Variants in CTNNA3 observed in about 807,000 individuals in gnomAD.
CTNNA3 encodes catenin alpha-3.
CTNNA3 carries 76 observed loss-of-function variants against 95.7 expected under a neutral mutation model. That is an observed-to-expected ratio of 0.79 (90% CI 0.66 to 0.96). The LOEUF (loss-of-function observed/expected upper bound fraction) is 0.96, where lower values mean the gene tolerates loss of function less well. Ranked by LOEUF, CTNNA3 falls within the 40% of genes least tolerant of loss-of-function variation. The probability of loss-of-function intolerance (pLI) is 0.00; values close to 1 mark genes in which losing one functional copy is unlikely to be tolerated. For missense variants in CTNNA3, 1,191 were observed against 1,089.8 expected, an observed-to-expected ratio of 1.09 and a Z score of -1.31; for synonymous variants, 431 against 374.4, an observed-to-expected ratio of 1.15 and a Z score of -1.74.
Position 67,556,091 on chromosome 10 carries a change from C to T in CTNNA3, c.293-16422G>A, listed in dbSNP as rs553377491. Among the ~76,000 whole-genome samples the T allele has an allele frequency of 2.6e-5, 4 of 152,190 alleles. No individual in the cohort carries two copies. The South Asian group carries it at 8.3e-4, about 32-fold the overall frequency. ...GTGTATGTTGAACCAGCCTTGCATCCCAGGGATAAAGCCCACTTGATCATG... is the reference window on the plus strand; with the variant it reads ...GTGTATGTTGAACCAGCCTTGCATCTCAGGGATAAAGCCCACTTGATCATG... On this transcript the variant is annotated intron_variant, in intron 3 of 17. Transcript: ENST00000433211.
intron 5 of CTNNA3, among the ~76,000 whole-genome samples, chr10:67,253,208 T>A (rs960878443): frequency 6.6e-6 from 1 of 152,056 alleles, no homozygotes; most frequent in Non-Finnish European, 1.5e-5. Context: ...GGCTACTAAG[T>A]GACTAACGGG....
chr10:66,345,380 T>C (rs1221138063), intron 12 of CTNNA3, among the ~76,000 whole-genome samples: 1 of 152,136 alleles, frequency 6.6e-6, no homozygotes, highest in African/African-American at 2.4e-5. Context: ...AAAATGCTCA[T>C]TTCCATATTG....
chr10:66,194,479 C>T (rs1023667257), intron 13 of CTNNA3, among the ~76,000 whole-genome samples: 2 of 152,138 alleles, frequency 1.3e-5, no homozygotes, highest in African/African-American at 4.8e-5. Flanking sequence ...ACTTGGGAGG[C>T]TGAGGCATGA....
At chr10:67,122,731 C>T (rs933349116) in intron 7 of CTNNA3, among the ~76,000 whole-genome samples, 17 of 152,044 alleles carry the variant, frequency 1.1e-4, no homozygotes, top group African/African-American at 3.9e-4. Flanking sequence ...GAACAGATCC[C>T]TTCCTACTTA....
At chr10:66,421,268 G>A (rs973661559) in intron 11 of CTNNA3, among the ~76,000 whole-genome samples, 1 of 152,156 alleles carries the variant, frequency 6.6e-6, no homozygotes, top group African/African-American at 2.4e-5. Context: ...GACTGGGTTG[G>A]TAGCGGAGGG....
At chr10:66,540,602 G>C (rs1222819158) in intron 10 of CTNNA3, among the ~76,000 whole-genome samples, 1 of 152,032 alleles carries the variant, frequency 6.6e-6, no homozygotes, top group Non-Finnish European at 1.5e-5. Flanking sequence ...ATAAAAAGCA[G>C]TATCTTTAGG....
Position 66,261,792 on chromosome 10 carries a change from C to T in CTNNA3, c.1884+18678G>A, listed in dbSNP as rs531528590. ...TTCCAGTGAAACAGCTGATGACAAC[C>T]ATTTTGAAGACCCCCACAGAGGAAC... On this transcript the variant is annotated intron_variant, in intron 13 of 17. Transcript: ENST00000433211. 1.7e-3 allele frequency among the ~76,000 whole-genome samples: 251 copies of T among 152,048 alleles called. 1 individual carries two copies. Among genetic ancestry groups the T allele is most frequent in the Middle Eastern group, 3.4e-3 (1 of 294 alleles).
At chr10:66,363,554 A>C (rs1184060500) in intron 12 of CTNNA3, among the ~76,000 whole-genome samples, 1 of 152,150 alleles carries the variant, frequency 6.6e-6, no homozygotes, top group East Asian at 1.9e-4. Flanking sequence ...ATAAATCTCT[A>C]TTGCTTAATC....
At chr10:67,055,298 G>A (rs575097432) in intron 7 of CTNNA3, among the ~76,000 whole-genome samples, 2 of 152,212 alleles carry the variant, frequency 1.3e-5, no homozygotes, top group East Asian at 3.9e-4. Context: ...ATTTCCCATT[G>A]AGTTTTCATA....
chr10:66,267,812 G>A (rs1011826859), intron 13 of CTNNA3, among the ~76,000 whole-genome samples: 11 of 152,072 alleles, frequency 7.2e-5, no homozygotes, highest in Admixed American at 4.6e-4. Context: ...TTATTTAGAA[G>A]AGGGTATCAA....
chr10:66,851,392 T>C (rs892110809), intron 7 of CTNNA3, among the ~76,000 whole-genome samples: 4 of 152,132 alleles, frequency 2.6e-5, no homozygotes, highest in Admixed American at 6.6e-5. Context: ...ACGCTGTTTT[T>C]TAAAATTGTC....
intron 15 of CTNNA3, 134 bp from the exon 16 acceptor site, chr10:65,988,931 C>T (rs1261861641): frequency 3.2e-5 from 19 of 600,928 alleles, no homozygotes; most frequent in Middle Eastern, 3.4e-4. Flanking sequence ...TCCCAAAGAA[C>T]GGCTATTGTT....
intron 5 of CTNNA3, among the ~76,000 whole-genome samples, chr10:67,479,780 A>G (rs1418792619): frequency 6.6e-6 from 1 of 152,176 alleles, no homozygotes; most frequent in Admixed American, 6.5e-5. Flanking sequence ...ATACATACAA[A>G]GGATCAGTGA....
chr10:66,104,982 T>G (rs1024350812), intron 13 of CTNNA3, among the ~76,000 whole-genome samples: 14 of 152,240 alleles, frequency 9.2e-5, no homozygotes, highest in African/African-American at 3.4e-4. Flanking sequence ...AGATTCTTTC[T>G]CATCTCATAG....
chr10:66,621,483 G>A (rs186627545), intron 10 of CTNNA3, among the ~76,000 whole-genome samples: 122 of 151,756 alleles, frequency 8.0e-4, no homozygotes, highest in Non-Finnish European at 1.5e-3. Context: ...AATTAGCCAG[G>A]CATGGTGGCG....
intron 13 of CTNNA3, among the ~76,000 whole-genome samples, chr10:66,271,960 G>T (rs1283667715): frequency 6.6e-6 from 1 of 152,144 alleles, no homozygotes; most frequent in East Asian, 1.9e-4. Flanking sequence ...CTTCAAATGG[G>T]ATACACAAGA....
intron 13 of CTNNA3, among the ~76,000 whole-genome samples, chr10:66,107,616 T>C (rs879446634): frequency 9.9e-5 from 15 of 152,092 alleles, no homozygotes; most frequent in Non-Finnish European, 1.6e-4. Context: ...AGGGTCACAA[T>C]ACATTTCATA....
intron 7 of CTNNA3, among the ~76,000 whole-genome samples, chr10:66,781,909 G>A (rs1443754158): frequency 6.6e-6 from 1 of 152,242 alleles, no homozygotes; most frequent in Non-Finnish European, 1.5e-5. Context: ...TGCCTCTGGA[G>A]GACACACAGT....
At chr10:66,691,184 T>C (rs1396335320) in intron 9 of CTNNA3, among the ~76,000 whole-genome samples, 1 of 152,010 alleles carries the variant, frequency 6.6e-6, no homozygotes, top group East Asian at 1.9e-4. Flanking sequence ...GCGCAAGGGG[T>C]CAGGGAGTTC....
Sources: allele counts gnomAD v4.1 joint callset (sites outside exome capture counted in the v4.1 genomes callset), GRCh38; gene constraint gnomAD v4.1.1; transcripts MANE v1.5; gene names NCBI Gene and HGNC (gene_info 2026-07-23, HGNC 2026-07-21).